LRIG1: variants seen among roughly 807,000 people sequenced by gnomAD.
The protein encoded by LRIG1 is leucine-rich repeats and immunoglobulin-like domains protein 1.
Under a neutral mutation model 99.2 loss-of-function variants are expected in LRIG1, and 48 were observed. The ratio of observed to expected loss-of-function variants is 0.48; its 90% confidence interval spans 0.38 to 0.62. LRIG1 has a LOEUF of 0.62. Ranked by LOEUF, LRIG1 falls within the 20% of genes least tolerant of loss-of-function variation. The pLI is 0.00. For synonymous variants in LRIG1, 772 were observed against 596.1 expected (o/e 1.29, Z -4.30); for missense variants, 1,646 against 1,434.4 (o/e 1.15, Z -2.38).
intron 14 of LRIG1, 91 bp downstream of exon 14, chr3:66,383,900 C>T: frequency 1.3e-6 from 2 of 1,516,786 alleles, no homozygotes; most frequent in African/African-American, 1.4e-5. Flanking sequence ...GCCCACAACG[C>T]ATACCACCCC....
Position 66,500,843 on chromosome 3 carries a change from A to G in LRIG1, c.-436T>C, listed in dbSNP as rs1701341858. ...CATCTTCCTCTGGGCTCGGAGCGCAAAGCCGTAGACCTCGGGCTGGACGGC... is the reference window on the plus strand; with the variant it reads ...CATCTTCCTCTGGGCTCGGAGCGCAGAGCCGTAGACCTCGGGCTGGACGGC... On this transcript the variant is annotated 5_prime_UTR_variant, in exon 1 of 19. Transcript: ENST00000273261. 1 of 152,086 alleles carries G rather than the reference A, an allele frequency of 6.6e-6. No individual in the cohort carries two copies. Among genetic ancestry groups the G allele is most frequent in the South Asian group, 2.1e-4 (1 of 4,824 alleles). The allele number at this position is 152,086 out of a possible 1,614,324, so 9.4% of individuals were successfully genotyped here.
At chr3:66,486,272 C>A (rs902048971) in intron 1 of LRIG1, among the ~76,000 whole-genome samples, 3 of 152,038 alleles carry the variant, frequency 2.0e-5, no homozygotes. Context: ...TTAAGGAAGT[C>A]GGCACTACAA....
intron 3 of LRIG1, among the ~76,000 whole-genome samples, chr3:66,438,210 C>A (rs1703424230): frequency 6.6e-6 from 1 of 152,124 alleles, no homozygotes; most frequent in African/African-American, 2.4e-5. Context: ...GGTGCTACCC[C>A]CTGTCCCACT....
chr3:66,395,518 G>C (rs13098481), intron 11 of LRIG1, among the ~76,000 whole-genome samples: 31,740 of 152,108 alleles, frequency 0.21, 3,570 homozygotes, highest in Admixed American at 0.28. Context: ...TATAATTTTG[G>C]AAAGTGCTTT....
chr3:66,467,277 C>T lies in LRIG1; in HGVS notation c.219-4768G>A, dbSNP rs528039735. ...AAATCTGTGCTGTCCAATTTAGTAG[C>T]CACTGGCTATTTACATGTATATTTA... On this transcript the variant is annotated intron_variant, in intron 1 of 18. Coordinates refer to ENST00000273261, the MANE Select transcript of LRIG1 (RefSeq NM_015541.3). Among the ~76,000 whole-genome samples, 52 of 152,228 alleles carry T rather than the reference C, an allele frequency of 3.4e-4. 1 individual carries two copies. The South Asian group carries it at 7.9e-3, about 23-fold the overall frequency.
intron 1 of LRIG1, among the ~76,000 whole-genome samples, chr3:66,462,970 T>C (rs1016402004): frequency 6.6e-6 from 1 of 151,962 alleles, no homozygotes; most frequent in African/African-American, 2.4e-5. Flanking sequence ...CAACCAGGGA[T>C]GATTTTGCCC....
intron 8 of LRIG1, among the ~76,000 whole-genome samples, chr3:66,406,738 C>G (rs1216999668): frequency 6.6e-6 from 1 of 152,160 alleles, no homozygotes; most frequent in African/African-American, 2.4e-5. Flanking sequence ...TTTGCCAACC[C>G]CATCTAATTA....
intron 1 of LRIG1, 30 bp downstream of exon 1, chr3:66,500,160 C>G (rs1418855801): frequency 1.3e-6 from 2 of 1,491,656 alleles, no homozygotes; most frequent in Non-Finnish European, 1.8e-6. Flanking sequence ...AGCCCCGGGG[C>G]GCAGAGAGGG....
chr3:66,382,315 T>G lies in LRIG1; in HGVS notation c.2575A>C (p.Thr859Pro), dbSNP rs749438564. 2.5e-6 allele frequency: 4 copies of G among 1,614,036 alleles called. No individual in the cohort carries two copies. The highest frequency in any genetic ancestry group is 2.5e-6 in the Non-Finnish European group (3 of 1,180,024). Residue 859 changes from threonine (T) to proline (P), a missense_variant, in exon 16 of 19, where the codon ACC (threonine) becomes CCC (proline). Thr to Pro is a conservative substitution (Grantham distance 38). Coordinates refer to ENST00000273261, the MANE Select transcript of LRIG1 (RefSeq NM_015541.3). The stretch of plus-strand genomic sequence containing the variant: ...CCATTGGCCTGAGGGCCACCCTCGG[T>G]CCTGACCACGGTTTCTTGTCGGTCA... ...LSDRQETVVRTEGGPQANGHI... is the reference protein window; with the variant it reads ...LSDRQETVVRPEGGPQANGHI...
chr3:66,404,918 G>C (rs909159014), intron 9 of LRIG1, among the ~76,000 whole-genome samples: 3 of 152,186 alleles, frequency 2.0e-5, no homozygotes, highest in Non-Finnish European at 2.9e-5. Flanking sequence ...CAGTTTTCAT[G>C]TGAGTTGTGA....
intron 3 of LRIG1, chr3:66,417,637 C>T (rs1702653751): frequency 4.9e-6 from 1 of 202,436 alleles, no homozygotes; most frequent in African/African-American, 2.3e-5. Flanking sequence ...CAACTCTCAC[C>T]CATCATCCTC....
chr3:66,417,977 G>T (rs1042584639), intron 3 of LRIG1, among the ~76,000 whole-genome samples: 3 of 152,096 alleles, frequency 2.0e-5, no homozygotes, highest in Admixed American at 1.3e-4. Flanking sequence ...CAGGGATAGG[G>T]ACGATCCAGC....
chr3:66,452,423 GT>G (rs1211217307), intron 2 of LRIG1, among the ~76,000 whole-genome samples: 1 of 152,206 alleles, frequency 6.6e-6, no homozygotes, highest in Non-Finnish European at 1.5e-5. Context: ...ACATGGACAT[GT>G]ATTTCCAAAT....
rs139733959 is a variant in LRIG1, at chr3:66,412,231, G to A, written c.791+640C>T. Reference sequence around the variant, plus strand: ...AAGACAGAAATAAACCTCCTAAGATGAGCTCTACATTTTTGGCCCACCTGC... The same window carrying A: ...AAGACAGAAATAAACCTCCTAAGATAAGCTCTACATTTTTGGCCCACCTGC... On this transcript the variant is annotated intron_variant, in intron 6 of 18. Coordinates refer to ENST00000273261, the MANE Select transcript of LRIG1 (RefSeq NM_015541.3). 5.1e-3 allele frequency among the ~76,000 whole-genome samples: 778 copies of A among 152,212 alleles called. 10 individuals carry two copies. Among genetic ancestry groups the A allele is most frequent in the African/African-American group, 0.014 (573 of 41,514 alleles).
chr3:66,460,130 G>T (rs1700323613), intron 2 of LRIG1, among the ~76,000 whole-genome samples: 1 of 152,064 alleles, frequency 6.6e-6, no homozygotes, highest in Non-Finnish European at 1.5e-5. Context: ...TCTGTGTCCT[G>T]TTCACTCTTG....
At chr3:66,412,706 G>A (rs957740640) in intron 6 of LRIG1, among the ~76,000 whole-genome samples, 165 bp downstream of exon 6, 8 of 151,792 alleles carry the variant, frequency 5.3e-5, no homozygotes, top group African/African-American at 1.5e-4. Flanking sequence ...ACACGCGCAC[G>A]CACACACACC....
At chr3:66,404,918 G>T (rs909159014) in intron 9 of LRIG1, among the ~76,000 whole-genome samples, 1 of 152,186 alleles carries the variant, frequency 6.6e-6, no homozygotes, top group South Asian at 2.1e-4. Flanking sequence ...CAGTTTTCAT[G>T]TGAGTTGTGA....
intron 2 of LRIG1, among the ~76,000 whole-genome samples, chr3:66,460,239 C>T (rs531706958): frequency 6.6e-6 from 1 of 152,128 alleles, no homozygotes; most frequent in African/African-American, 2.4e-5. Context: ...CCAATTTTGT[C>T]CAGTCCTAAA....
At chr3:66,403,518 G>T (rs1320912859) in intron 9 of LRIG1, among the ~76,000 whole-genome samples, 1 of 152,100 alleles carries the variant, frequency 6.6e-6, no homozygotes, top group African/African-American at 2.4e-5. Flanking sequence ...ACAACATTAT[G>T]TGAGTGAGGA....
Sources: gnomAD v4.1 joint callset for allele counts (sites outside exome capture counted in the v4.1 genomes callset) on GRCh38, gnomAD v4.1.1 for gene constraint, MANE v1.5 for transcripts, NCBI Gene and HGNC (gene_info 2026-07-23, HGNC 2026-07-21) for gene names.